Variants in DNAH9 observed in about 807,000 individuals in gnomAD.
The protein encoded by DNAH9 is dynein axonemal heavy chain 9, also known as DNAH9 variant protein.
In DNAH9, 345 loss-of-function variants were observed where a neutral mutation model predicts 471.6. The ratio of observed to expected loss-of-function variants is 0.73; its 90% CI spans 0.67 to 0.80. DNAH9 has a LOEUF of 0.80. Ranked by LOEUF, DNAH9 falls within the 30% of genes least tolerant of loss-of-function variation. The probability of loss-of-function intolerance (pLI) is 0.00; values close to 1 mark genes in which losing one functional copy is unlikely to be tolerated. For synonymous variants in DNAH9, 2,093 were observed against 2,123.6 expected (o/e 0.99, Z 0.40); for missense variants, 5,407 against 5,609.2 (o/e 0.96, Z 1.15).
chr17:11,825,086 T>G (rs1018372801), intron 48 of DNAH9, among the ~76,000 whole-genome samples: 4 of 152,186 alleles, frequency 2.6e-5, no homozygotes, highest in Admixed American at 2.6e-4. Flanking sequence ...TGTCTTTCCC[T>G]TTGTATGATG....
At chr17:11,856,295 G>A (rs975624353) in intron 50 of DNAH9, among the ~76,000 whole-genome samples, 1 of 152,178 alleles carries the variant, frequency 6.6e-6, no homozygotes, top group Admixed American at 6.5e-5. Context: ...ATGAAAGGTA[G>A]GATTGTAGAC....
intron 21 of DNAH9, 139 bp downstream of exon 21, chr17:11,694,137 G>A: frequency 1.6e-6 from 2 of 1,269,222 alleles, no homozygotes; most frequent in Non-Finnish European, 2.2e-6. Context: ...GGTAGCATGG[G>A]GCATTATTAG....
intron 61 of DNAH9, among the ~76,000 whole-genome samples, chr17:11,911,198 T>G (rs1973783912): frequency 6.6e-6 from 1 of 152,198 alleles, no homozygotes; most frequent in Admixed American, 6.5e-5. Flanking sequence ...TAATCCACTT[T>G]GAGTTAATGT....
At chr17:11,773,753 A>G (rs185080721) in intron 38 of DNAH9, among the ~76,000 whole-genome samples, 1,968 of 152,344 alleles carry the variant, frequency 0.013, 43 homozygotes, top group African/African-American at 0.045. Context: ...AGAAAACAAT[A>G]TAACAGATGC....
rs530644041 is a variant in DNAH9 at position 11,841,657 on chromosome 17, G to A, written c.9507+6759G>A. ...TAAGCTGTCAATTTACATTGTCAGG[G>A]TGAAATTCAACAGAACTGTTTTAGG... On this transcript the variant is annotated intron_variant, in intron 49 of 68. Transcript: ENST00000262442. 2.6e-5 allele frequency among the ~76,000 whole-genome samples: 4 copies of A among 152,252 alleles called. No individual in the cohort carries two copies. In the East Asian group the frequency reaches 5.8e-4, roughly 22 times the overall value.
chr17:11,608,886 C>T (rs141849461), intron 2 of DNAH9, among the ~76,000 whole-genome samples: 26 of 152,250 alleles, frequency 1.7e-4, no homozygotes, highest in African/African-American at 4.6e-4. Flanking sequence ...CTGAGTAGGC[C>T]TTAAAACCCC....
chr17:11,699,592 C>T, intron 22 of DNAH9, 139 bp from the exon 23 acceptor site: 1 of 714,684 alleles, frequency 1.4e-6, no homozygotes, highest in Admixed American at 2.5e-5. Context: ...AGCATTGTTC[C>T]CACAAACTTC....
Position 11,947,407 on chromosome 17 carries a change from A to G in DNAH9, c.12843+4922A>G, listed in dbSNP as rs556510756. On this transcript the variant is annotated intron_variant, in intron 67 of 68. Transcript: ENST00000262442. ...CAGAAGACAAGTTCTTAGACTTTTA[A>G]TGCCCAATACAGTAGCCATTAATGA... is the stretch of plus-strand genomic sequence containing the variant. Among the ~76,000 whole-genome samples the G allele has an allele frequency of 4.9e-3, 747 of 152,334 alleles. 5 individuals carry two copies. Among genetic ancestry groups the G allele is most frequent in the African/African-American group, 0.017 (707 of 41,580 alleles).
chr17:11,909,263 T>G (rs1973709407), intron 61 of DNAH9, among the ~76,000 whole-genome samples: 1 of 152,150 alleles, frequency 6.6e-6, no homozygotes, highest in African/African-American at 2.4e-5. Flanking sequence ...AAGGCTCACC[T>G]GGGAATATGC....
At chr17:11,775,716 T>C (rs1037114735) in intron 38 of DNAH9, among the ~76,000 whole-genome samples, 1 of 147,614 alleles carries the variant, frequency 6.8e-6, no homozygotes, top group Non-Finnish European at 1.5e-5. Flanking sequence ...GCCATTCTCC[T>C]GCCTCAGCCT....
chr17:11,930,934 T>A lies in DNAH9; in HGVS notation c.12105+841T>A, dbSNP rs189549316. On this transcript the variant is annotated intron_variant, in intron 63 of 68. Transcript: ENST00000262442. ...TATCAAGTGTTCAAATGCAGACCAC[T>A]ACGTTTCCATTATGGGGAATTTCAA... 7.8e-4 allele frequency among the ~76,000 whole-genome samples: 119 copies of A among 152,300 alleles called. 1 individual carries two copies. The highest frequency in any genetic ancestry group is 2.8e-3 in the African/African-American group (116 of 41,560).
chr17:11,852,302 A>G (rs2150968594), intron 49 of DNAH9, among the ~76,000 whole-genome samples: 1 of 152,324 alleles, frequency 6.6e-6, no homozygotes, highest in East Asian at 1.9e-4. Context: ...CTCCAGCTAC[A>G]TTGGGGCTCC....
chr17:11,661,432 G>T (rs1243526785), intron 14 of DNAH9, among the ~76,000 whole-genome samples: 1 of 152,078 alleles, frequency 6.6e-6, no homozygotes, highest in African/African-American at 2.4e-5. Flanking sequence ...GTAAGCATTT[G>T]TATGGTTGAA....
chr17:11,835,021 A>G lies in DNAH9; in HGVS notation c.9507+123A>G, dbSNP rs149820434. On this transcript the variant is annotated intron_variant, in intron 49 of 68. Transcript: ENST00000262442. ...GAGTTTAGGGTGGGCTCCAACTGTCACTGATTTGCTCATTAAGCAAGCAAA... is the reference window on the plus strand; with the variant it reads ...GAGTTTAGGGTGGGCTCCAACTGTCGCTGATTTGCTCATTAAGCAAGCAAA... The G allele has an allele frequency of 2.4e-3, 3,046 of 1,287,488 alleles. 8 individuals carry two copies. The highest frequency in any genetic ancestry group is 3.0e-3 in the Non-Finnish European group (2,896 of 957,756). 79.8% of individuals were successfully genotyped at this position (1,287,488 alleles called of 1,614,324 possible).
At position 11,871,695 on chromosome 17, in the gene DNAH9, C is replaced by A. The variant is rs775095547; in HGVS notation, c.10151C>A (p.Thr3384Lys). Residue 3384 changes from threonine to lysine, a missense_variant, in exon 52 of 69, where the codon ACG becomes AAG. Physicochemically the swap from Thr to Lys is moderately conservative, Grantham distance 78 (BLOSUM62 -1). Around this residue, in one of 3 missense-constraint regions of DNAH9, gnomAD observed 4,636 missense variants for 4,900.3 expected, o/e 0.95. Coordinates refer to ENST00000262442, the MANE Select transcript of DNAH9 (RefSeq NM_001372.4). The stretch of plus-strand genomic sequence containing the variant: ...TTATGTGGAGACATTTTACTTATAA[C>A]GGCTTTCATTTCCTACCTTGGCTTC... Reference protein sequence around the residue: ...RTLCGDILLITAFISYLGFFT... With the variant: ...RTLCGDILLIKAFISYLGFFT... The A allele has an allele frequency of 1.3e-5, 21 of 1,614,200 alleles. No individual in the cohort carries two copies. Among genetic ancestry groups the A allele is most frequent in the Non-Finnish European group, 1.7e-5 (20 of 1,180,036 alleles).
At chr17:11,761,090 A>G (rs1179633990) in intron 35 of DNAH9, among the ~76,000 whole-genome samples, 2 of 152,258 alleles carry the variant, frequency 1.3e-5, no homozygotes, top group Non-Finnish European at 2.9e-5. Context: ...CTTTAAAACC[A>G]TTGTATGTGA....
chr17:11,674,275 T>C lies in DNAH9; in HGVS notation c.3353+4481T>C, dbSNP rs116470507. 4.2e-3 allele frequency among the ~76,000 whole-genome samples: 640 copies of C among 152,148 alleles called. 1 individual carries two copies. The highest frequency in any genetic ancestry group is 0.012 in the African/African-American group (518 of 41,514). On this transcript the variant is annotated intron_variant, in intron 17 of 68. Coordinates refer to ENST00000262442, the MANE Select transcript of DNAH9 (RefSeq NM_001372.4). ...AGAGCGGAATTGCTAAGTCAAAGAG[T>C]ATGCATATAATGCCAAGCTCCTTCC...
At chr17:11,935,286 T>C (rs1346714441) in intron 65 of DNAH9, among the ~76,000 whole-genome samples, 3 of 151,592 alleles carry the variant, frequency 2.0e-5, no homozygotes, top group African/African-American at 7.3e-5. Context: ...TTACTATTAC[T>C]TCGGTCTTTT....
At chr17:11,953,384 C>T (rs1309005496) in intron 67 of DNAH9, among the ~76,000 whole-genome samples, 1 of 152,144 alleles carries the variant, frequency 6.6e-6, no homozygotes. Context: ...TTGCTTTTTC[C>T]CCTCCTTATC....
Sources: allele counts gnomAD v4.1 joint callset (sites outside exome capture counted in the v4.1 genomes callset), GRCh38; gene constraint gnomAD v4.1.1; regional missense constraint gnomAD v4.1.1; transcripts MANE v1.5; gene names NCBI Gene and HGNC (gene_info 2026-07-23, HGNC 2026-07-21).